The following PIK3CA variants were observed in gnomAD, a reference collection of about 807,000 sequenced individuals.
PIK3CA encodes the protein phosphatidylinositol 4,5-bisphosphate 3-kinase catalytic subunit alpha isoform.
PIK3CA carries 27 observed loss-of-function variants against 138.2 expected under a neutral mutation model. The observed-to-expected ratio is 0.20, with a 90% CI of 0.14 to 0.27. The LOEUF (loss-of-function observed/expected upper bound fraction) is 0.27. Ranked by LOEUF, PIK3CA falls within the 10% of genes least tolerant of loss-of-function variation. The pLI, the probability that PIK3CA is intolerant of heterozygous loss-of-function variation, is 1.00. For synonymous variants in PIK3CA, 358 were observed against 413.2 expected (o/e 0.87, Z 1.62); for missense variants, 544 against 1,277.4 (o/e 0.43, Z 8.75).
chr3:179,232,632 A>G (rs750468249), intron 20 of PIK3CA, among the ~76,000 whole-genome samples: 2 of 151,810 alleles, frequency 1.3e-5, no homozygotes, highest in Non-Finnish European at 2.9e-5. Context: ...TTTTTTTCTA[A>G]TTCTGTGAAA....
intron 1 of PIK3CA, among the ~76,000 whole-genome samples, chr3:179,174,284 C>A (rs894243629): frequency 6.6e-6 from 1 of 151,996 alleles, no homozygotes; most frequent in East Asian, 2.0e-4. Flanking sequence ...GCCTGGCCAA[C>A]ACAGCGAAAC....
chr3:179,155,797 G>A (rs962617801), intron 1 of PIK3CA, among the ~76,000 whole-genome samples: 1 of 152,122 alleles, frequency 6.6e-6, no homozygotes, highest in African/African-American at 2.4e-5. Context: ...TTATTAACTA[G>A]TTGCCTATTT....
intron 9 of PIK3CA, among the ~76,000 whole-genome samples, chr3:179,212,647 C>T (rs1052901956): frequency 6.6e-6 from 1 of 151,408 alleles, no homozygotes; most frequent in African/African-American, 2.4e-5. Flanking sequence ...CACTGTGTTG[C>T]CTGGGCTGGT....
At chr3:179,156,870 T>G (rs967161362) in intron 1 of PIK3CA, among the ~76,000 whole-genome samples, 6 of 152,202 alleles carry the variant, frequency 3.9e-5, no homozygotes, top group Non-Finnish European at 7.4e-5. Flanking sequence ...AAAGTACTAT[T>G]GTATTTCAAA....
At chr3:179,218,012 A>G (rs1224731667) in intron 9 of PIK3CA, among the ~76,000 whole-genome samples, 198 bp from the exon 10 acceptor site, 1 of 152,046 alleles carries the variant, frequency 6.6e-6, no homozygotes, top group African/African-American at 2.4e-5. Context: ...GATTTGTTCT[A>G]CAAATATTAT....
In PIK3CA at chr3:179,219,175, T is replaced by C. The variant is rs1436285115; in HGVS notation, c.1665-21T>C. 2.8e-6 allele frequency: 4 copies of C among 1,452,428 alleles called. No individual in the cohort carries two copies. The highest frequency in any genetic ancestry group is 3.9e-6 in the Non-Finnish European group (4 of 1,035,496). 90.0% of individuals were successfully genotyped at this position (1,452,428 alleles called of 1,614,324 possible). On this transcript the variant is annotated intron_variant, in intron 10 of 20. Coordinates refer to ENST00000263967, the MANE Select transcript of PIK3CA (RefSeq NM_006218.4). This position sits in a 1 kb window ranked among gnomAD's most constrained non-coding sequence, Gnocchi z 4.2. ...AACAGCATGCAAGAATGTTTATGTT[T>C]ATTTTGTTTCTCCCACACAGACACT...
At position 179,220,041 on chromosome 3, in the gene PIK3CA, T is replaced by C. The variant is rs1160190493; in HGVS notation, c.2004T>C (p.Phe668=). The C allele has an allele frequency of 1.9e-6, 3 of 1,588,536 alleles. No homozygotes were observed. The highest frequency in any genetic ancestry group is 4.5e-5 in the East Asian group (2 of 44,456). The stretch of plus-strand genomic sequence containing the variant: ...ATCAAAGGATTGGGCACTTTTTCTT[T>C]TGGCATTTAAAGTAAGTCTAATTAT... The part of the protein sequence containing the change: ...LTNQRIGHFF[F]WHLKSEMHNK... The change falls in exon 13 of 21, where the codon TTT becomes TTC. Residue 668 remains phenylalanine (F), a synonymous_variant. Coordinates refer to ENST00000263967, the MANE Select transcript of PIK3CA (RefSeq NM_006218.4). The surrounding 1 kb of genome is among the most constrained non-coding windows in gnomAD (Gnocchi z 4.1).
chr3:179,178,731 A>G (rs1270108194), intron 1 of PIK3CA, among the ~76,000 whole-genome samples: 5 of 152,166 alleles, frequency 3.3e-5, no homozygotes, highest in Non-Finnish European at 7.4e-5. Flanking sequence ...GACACAAAGC[A>G]CAGTCAGCAA....
rs1456941177 is a variant in PIK3CA, at chr3:179,236,512, T to C, written c.*2148T>C. 4.5e-6 allele frequency: 1 copy of C among 220,816 alleles called. No individual in the cohort carries two copies. The highest frequency in any genetic ancestry group is 9.2e-6 in the Non-Finnish European group (1 of 109,078). 13.7% of individuals were successfully genotyped at this position (220,816 alleles called of 1,614,324 possible). A position where few individuals can be genotyped will look rare whatever the true frequency, so the allele number is the denominator to read the frequency against. On this transcript the variant is annotated 3_prime_UTR_variant, in exon 21 of 21. Coordinates refer to ENST00000263967, the MANE Select transcript of PIK3CA (RefSeq NM_006218.4). ...AGTAAAATGGTACAAATCTGAAAGTTTGATGGTAGAAACTGAAGATTTAAC... is the reference window on the plus strand; with the variant it reads ...AGTAAAATGGTACAAATCTGAAAGTCTGATGGTAGAAACTGAAGATTTAAC...
chr3:179,156,224 T>C (rs564874690), intron 1 of PIK3CA, among the ~76,000 whole-genome samples: 2 of 152,292 alleles, frequency 1.3e-5, no homozygotes, highest in South Asian at 2.1e-4. Context: ...GGAAGGATTT[T>C]CCCCCCTTTT....
At chr3:179,217,247 T>C (rs1245393983) in intron 9 of PIK3CA, among the ~76,000 whole-genome samples, 1 of 152,166 alleles carries the variant, frequency 6.6e-6, no homozygotes, top group African/African-American at 2.4e-5. Context: ...ATGTTCTCAG[T>C]CATTCTCTGT....
At chr3:179,204,847 C>T (rs1724515833) in intron 6 of PIK3CA, among the ~76,000 whole-genome samples, 1 of 151,070 alleles carries the variant, frequency 6.6e-6, no homozygotes, top group African/African-American at 2.4e-5. Flanking sequence ...GGAGAAACCC[C>T]ATCTCTACTA....
At chr3:179,156,088 TCA>T (rs1723134123) in intron 1 of PIK3CA, among the ~76,000 whole-genome samples, 1 of 152,180 alleles carries the variant, frequency 6.6e-6, no homozygotes, top group African/African-American at 2.4e-5. Flanking sequence ...ACAGTCTAGC[TCA>T]GTTTGTTGTA....
At chr3:179,183,596 A>G (rs1323946106) in intron 1 of PIK3CA, among the ~76,000 whole-genome samples, 2 of 152,232 alleles carry the variant, frequency 1.3e-5, no homozygotes, top group South Asian at 4.1e-4. Flanking sequence ...TCAGTGCACT[A>G]TACATTCTGT....
chr3:179,174,688 G>T lies in PIK3CA; in HGVS notation c.-76-24062G>T, dbSNP rs1283223773. On this transcript the variant is annotated intron_variant, in intron 1 of 20. Coordinates refer to ENST00000263967, the MANE Select transcript of PIK3CA (RefSeq NM_006218.4). ...ATTAGTTTTCTCTTATAATTTTAAT[G>T]CTCATATCTTCCTTTGCCTTATCTC... Among the ~76,000 whole-genome samples, 4 of 152,244 alleles carry T rather than the reference G, an allele frequency of 2.6e-5. No homozygotes were observed. In the East Asian group the frequency reaches 7.7e-4, roughly 29 times the overall value.
intron 1 of PIK3CA, among the ~76,000 whole-genome samples, chr3:179,197,032 CT>C (rs1348583891): frequency 4.0e-5 from 6 of 151,890 alleles, no homozygotes; most frequent in Admixed American, 1.3e-4. Context: ...TCAACTCTTG[CT>C]TATCTTTTTT....
chr3:179,186,727 C>T (rs1349072334), intron 1 of PIK3CA, among the ~76,000 whole-genome samples: 1 of 152,134 alleles, frequency 6.6e-6, no homozygotes, highest in Non-Finnish European at 1.5e-5. Flanking sequence ...CCATCAGGAC[C>T]TTTTCTCTTA....
At chr3:179,206,694 C>T (rs2108396620) in intron 6 of PIK3CA, among the ~76,000 whole-genome samples, 1 of 152,216 alleles carries the variant, frequency 6.6e-6, no homozygotes, top group Non-Finnish European at 1.5e-5. Context: ...GCAGATGGAT[C>T]ATTTGAGCCC....
intron 1 of PIK3CA, among the ~76,000 whole-genome samples, chr3:179,164,689 C>T (rs1162381564): frequency 6.6e-6 from 1 of 151,880 alleles, no homozygotes; most frequent in Non-Finnish European, 1.5e-5. Flanking sequence ...ACCAACATGG[C>T]AAAACCCCGT....
Sources: allele counts gnomAD v4.1 joint callset (sites outside exome capture counted in the v4.1 genomes callset), GRCh38; gene constraint gnomAD v4.1.1; non-coding constraint Gnocchi (gnomAD v3.1); transcripts MANE v1.5; gene names NCBI Gene and HGNC (gene_info 2026-07-23, HGNC 2026-07-21).